The following RCAN2 variants were observed in gnomAD, a reference collection of about 807,000 sequenced individuals.
RCAN2 encodes the protein regulator of calcineurin 2.
In RCAN2, 9 loss-of-function variants were observed where a neutral mutation model predicts 23.6. The observed-to-expected ratio is 0.38, with a 90% CI of 0.23 to 0.67. The LOEUF (loss-of-function observed/expected upper bound fraction) is 0.67. Ranked by LOEUF, RCAN2 falls within the 30% of genes least tolerant of loss-of-function variation. The probability of loss-of-function intolerance (pLI) is 0.51; values close to 1 mark genes in which losing one functional copy is unlikely to be tolerated. For synonymous variants in RCAN2, 109 were observed against 115.7 expected (o/e 0.94, Z 0.37); for missense variants, 273 against 302.3 (o/e 0.90, Z 0.72).
chr6:46,224,426 C>A (rs1765578638), intron 4 of RCAN2, among the ~76,000 whole-genome samples: 1 of 152,216 alleles, frequency 6.6e-6, no homozygotes, highest in African/African-American at 2.4e-5. Flanking sequence ...GCACAGAAGA[C>A]CCTGCGTAAT....
intron 2 of RCAN2, among the ~76,000 whole-genome samples, chr6:46,331,646 C>T (rs752025348): frequency 6.6e-6 from 1 of 152,164 alleles, no homozygotes; most frequent in African/African-American, 2.4e-5. Flanking sequence ...AACCCCAGTT[C>T]CACTTGGTAA....
In RCAN2 at chr6:46,230,337, C is replaced by A. The variant is rs548164465; in HGVS notation, c.572-7036G>T. On this transcript the variant is annotated intron_variant, in intron 4 of 4. Transcript: ENST00000371374. ...GGGATGTGCAAGTCTGAAGAAGTTT[C>A]TGCTGCCTTTTGTTCAGCTATGCCC... Among the ~76,000 whole-genome samples, 9 of 152,336 alleles carry A rather than the reference C, an allele frequency of 5.9e-5. No homozygotes were observed. The East Asian group carries it at 1.5e-3, about 26-fold the overall frequency.
chr6:46,339,764 A>G (rs1764246897), intron 2 of RCAN2, among the ~76,000 whole-genome samples: 1 of 152,128 alleles, frequency 6.6e-6, no homozygotes, highest in South Asian at 2.1e-4. Flanking sequence ...ATATTATCAT[A>G]CTATTGTCCG....
intron 2 of RCAN2, among the ~76,000 whole-genome samples, chr6:46,394,167 T>C (rs6934055): frequency 8.3e-4 from 127 of 152,288 alleles, no homozygotes; most frequent in African/African-American, 2.9e-3. Context: ...TTCTCTCCTT[T>C]AGTAGGAGTG....
At chr6:46,419,127 A>G (rs537757921) in intron 2 of RCAN2, among the ~76,000 whole-genome samples, 1 of 152,320 alleles carries the variant, frequency 6.6e-6, no homozygotes, top group Non-Finnish European at 1.5e-5. Flanking sequence ...ATAGTGAGCT[A>G]CAGTACATCT....
At chr6:46,471,104 A>G (rs1177782941) in intron 1 of RCAN2, among the ~76,000 whole-genome samples, 1 of 152,224 alleles carries the variant, frequency 6.6e-6, no homozygotes, top group Non-Finnish European at 1.5e-5. Context: ...GGTAAGGAAG[A>G]GAGAGTGTAC....
intron 2 of RCAN2, among the ~76,000 whole-genome samples, chr6:46,424,136 T>C (rs1028483923): frequency 1.3e-5 from 2 of 152,176 alleles, no homozygotes; most frequent in Non-Finnish European, 2.9e-5. Context: ...TCCAATAAAA[T>C]AACTGCTCGT....
rs74816481 is a variant in RCAN2 at position 46,450,232 on chromosome 6, C to T, written c.225+6520G>A. Among the ~76,000 whole-genome samples, 1,403 of 151,982 alleles carry T rather than the reference C, an allele frequency of 9.2e-3. 22 individuals carry two copies. The highest frequency in any genetic ancestry group is 0.032 in the African/African-American group (1,333 of 41,500). On this transcript the variant is annotated intron_variant, in intron 2 of 4. Coordinates refer to ENST00000371374, the MANE Select transcript of RCAN2 (RefSeq NM_001251974.2). ...AACTATGCTAATGATCAGGGAAATG[C>T]AAATTATACCGCAATGAAATATCAC...
intron 2 of RCAN2, among the ~76,000 whole-genome samples, chr6:46,432,542 A>G (rs1767243532): frequency 6.6e-6 from 1 of 152,132 alleles, no homozygotes; most frequent in South Asian, 2.1e-4. Context: ...AAATATATAA[A>G]TAAATAATTT....
intron 2 of RCAN2, among the ~76,000 whole-genome samples, chr6:46,435,166 G>A (rs1318768618): frequency 1.3e-5 from 2 of 152,154 alleles, no homozygotes; most frequent in African/African-American, 4.8e-5. Context: ...AGGTTACCAT[G>A]TATGCTATTG....
Position 46,305,396 on chromosome 6 carries a change from C to T in RCAN2, c.226-56500G>A, listed in dbSNP as rs16874552. 8.1e-4 allele frequency among the ~76,000 whole-genome samples: 123 copies of T among 152,150 alleles called. 1 individual carries two copies. The East Asian group carries it at 0.018, about 23-fold the overall frequency. ...GGGCCTGCTCCATTCCCTGTCATCA[C>T]GTTGGCTCCACTTCCTTCTTTGCTT... On this transcript the variant is annotated intron_variant, in intron 2 of 4. Coordinates refer to ENST00000371374, the MANE Select transcript of RCAN2 (RefSeq NM_001251974.2).
At chr6:46,318,581 C>T (rs989397524) in intron 2 of RCAN2, among the ~76,000 whole-genome samples, 2 of 152,096 alleles carry the variant, frequency 1.3e-5, no homozygotes, top group Non-Finnish European at 2.9e-5. Flanking sequence ...ATTCAACTCA[C>T]TTGCCAAGAA....
intron 1 of RCAN2, among the ~76,000 whole-genome samples, chr6:46,472,357 G>A (rs764458942): frequency 3.3e-5 from 5 of 152,082 alleles, no homozygotes. Flanking sequence ...GGATGTATTG[G>A]GACTTCCTTT....
At chr6:46,351,673 T>TC (rs11378990) in intron 2 of RCAN2, among the ~76,000 whole-genome samples, 75,412 of 151,990 alleles carry the variant, frequency 0.5, 18,991 homozygotes, top group East Asian at 0.61. Flanking sequence ...ATTCAATGGA[T>TC]CCAGATAATA....
At chr6:46,240,673 G>A (rs1330822948) in intron 4 of RCAN2, among the ~76,000 whole-genome samples, 1 of 152,132 alleles carries the variant, frequency 6.6e-6, no homozygotes, top group East Asian at 1.9e-4. Context: ...CATACCACAT[G>A]CACCAAAAAC....
intron 2 of RCAN2, among the ~76,000 whole-genome samples, chr6:46,435,807 C>T (rs1378075552): frequency 6.6e-6 from 1 of 152,182 alleles, no homozygotes; most frequent in Non-Finnish European, 1.5e-5. Context: ...GTACCAACTA[C>T]AAGTCCAACA....
intron 4 of RCAN2, among the ~76,000 whole-genome samples, chr6:46,230,465 C>A (rs796700182): frequency 1.3e-5 from 2 of 152,342 alleles, no homozygotes; most frequent in Admixed American, 6.5e-5. Context: ...CTACTCAAGC[C>A]TCAGCAATGG....
Position 46,443,027 on chromosome 6 carries a change from A to T in RCAN2, c.225+13725T>A, listed in dbSNP as rs191553193. Among the ~76,000 whole-genome samples the T allele has an allele frequency of 2.2e-4, 34 of 152,332 alleles. 1 individual carries two copies. The East Asian group carries it at 6.5e-3, about 29-fold the overall frequency. ...GGGTCTCAGTCACTGTTCAGGGAAA[A>T]AAAACAAAACAAAACAGATTTAACC... On this transcript the variant is annotated intron_variant, in intron 2 of 4. Coordinates refer to ENST00000371374, the MANE Select transcript of RCAN2 (RefSeq NM_001251974.2).
chr6:46,230,495 C>T (rs1765845813), intron 4 of RCAN2, among the ~76,000 whole-genome samples: 1 of 152,180 alleles, frequency 6.6e-6, no homozygotes, highest in Non-Finnish European at 1.5e-5. Flanking sequence ...CTCCTCACAG[C>T]CTCCCTGCCA....
Sources: allele counts gnomAD v4.1 joint callset (sites outside exome capture counted in the v4.1 genomes callset), GRCh38; gene constraint gnomAD v4.1.1; transcripts MANE v1.5; gene names NCBI Gene and HGNC (gene_info 2026-07-23, HGNC 2026-07-21).